Variants in SRSF4 observed in about 807,000 individuals in gnomAD.
SRSF4 encodes the protein serine/arginine-rich splicing factor 4.
SRSF4 carries 12 observed loss-of-function variants against 48.8 expected under a neutral mutation model. The observed-to-expected ratio is 0.25, with a 90% CI of 0.16 to 0.40. SRSF4 has a LOEUF of 0.40. SRSF4 is among the 10% of genes least tolerant of loss of function. SRSF4 has a pLI of 1.00. For missense variants in SRSF4, 466 were observed against 667.1 expected (o/e 0.70, Z 3.32); for synonymous variants, 248 against 232.5 (o/e 1.07, Z -0.61).
At chr1:29,178,776 TACTC>T (rs1386047844) in intron 1 of SRSF4, among the ~76,000 whole-genome samples, 1 of 152,258 alleles carries the variant, frequency 6.6e-6, no homozygotes, top group Non-Finnish European at 1.5e-5. Flanking sequence ...TTTTCTTTTG[TACTC>T]ACTCCTTCCT....
intron 1 of SRSF4, among the ~76,000 whole-genome samples, chr1:29,174,675 GTTTTTTTTTT>G: frequency 7.7e-6 from 1 of 130,696 alleles, no homozygotes; most frequent in East Asian, 2.3e-4. Context: ...CAGGAGATAG[GTTTTTTTTTT>G]TTTTTTTTTG....
chr1:29,169,499 C>T (rs937560478), intron 1 of SRSF4: 1 of 152,148 alleles, frequency 6.6e-6, no homozygotes, highest in Non-Finnish European at 1.5e-5. Flanking sequence ...TGTGCTAATA[C>T]CAGTAAGTTG....
intron 4 of SRSF4, among the ~76,000 whole-genome samples, chr1:29,153,600 A>ATT (rs113402257): frequency 1.1e-4 from 14 of 133,046 alleles, no homozygotes; most frequent in South Asian, 2.4e-4. Context: ...TCTGATTTCC[A>ATT]TTTTTTTTTT....
intron 1 of SRSF4, among the ~76,000 whole-genome samples, chr1:29,175,711 A>AAG (rs762536014): frequency 0.043 from 6,304 of 146,508 alleles, 270 homozygotes; most frequent in Non-Finnish European, 0.068. Flanking sequence ...AAAAAAAAAA[A>AAG]AAAAAAAAAA....
At chr1:29,155,942 T>C (rs1427228525) in intron 3 of SRSF4, among the ~76,000 whole-genome samples, 2 of 152,154 alleles carry the variant, frequency 1.3e-5, no homozygotes, top group African/African-American at 4.8e-5. Flanking sequence ...TAAAGCATTA[T>C]ATAAATAAGA....
At chr1:29,168,547 C>T (rs1672700923) in intron 1 of SRSF4, 3 of 152,174 alleles carry the variant, frequency 2.0e-5, no homozygotes, top group Non-Finnish European at 4.4e-5. Context: ...TATGTGACAA[C>T]CAGGTTACTT....
intron 1 of SRSF4, among the ~76,000 whole-genome samples, chr1:29,175,840 T>C (rs952684499): frequency 6.6e-6 from 1 of 152,154 alleles, no homozygotes; most frequent in Non-Finnish European, 1.5e-5. Context: ...AACCTCTTCT[T>C]AGATAATCCT....
intron 5 of SRSF4, 143 bp downstream of exon 5, chr1:29,149,960 T>TG: frequency 1.6e-6 from 1 of 640,972 alleles, no homozygotes; most frequent in Non-Finnish European, 2.7e-6. Flanking sequence ...CCCAGTGAGG[T>TG]GAGGCTGCAG....
intron 5 of SRSF4, among the ~76,000 whole-genome samples, chr1:29,149,896 G>A (rs960479539): frequency 3.3e-5 from 5 of 151,842 alleles, no homozygotes; most frequent in Non-Finnish European, 7.4e-5. Context: ...GGGTGTGGTA[G>A]TATGTGCCTG....
At chr1:29,150,614 T>G (rs1672394227) in intron 4 of SRSF4, among the ~76,000 whole-genome samples, 1 of 152,128 alleles carries the variant, frequency 6.6e-6, no homozygotes, top group African/African-American at 2.4e-5. Flanking sequence ...AAACTCTCTC[T>G]TGGGTTCTAG....
chr1:29,180,511 T>C (rs1672938929), intron 1 of SRSF4, among the ~76,000 whole-genome samples: 1 of 152,234 alleles, frequency 6.6e-6, no homozygotes, highest in African/African-American at 2.4e-5. Context: ...ACGTGAAACA[T>C]ACTTAGGTAA....
intron 1 of SRSF4, chr1:29,170,793 C>T (rs771920291): frequency 1.3e-5 from 2 of 152,096 alleles, no homozygotes; most frequent in Non-Finnish European, 2.9e-5. Context: ...TGAATTCAAA[C>T]CTCCCTCTTT....
At chr1:29,178,426 C>G (rs998217596) in intron 1 of SRSF4, among the ~76,000 whole-genome samples, 3 of 150,668 alleles carry the variant, frequency 2.0e-5, no homozygotes, top group Non-Finnish European at 4.4e-5. Context: ...TCACTGCAAG[C>G]TCCACCTCCC....
chr1:29,154,942 G>T, intron 3 of SRSF4, 32 bp from the exon 4 acceptor site: 1 of 1,578,650 alleles, frequency 6.3e-7, no homozygotes, highest in Non-Finnish European at 8.6e-7. Context: ...ACTACATTAG[G>T]ATATGTTTTG....
chr1:29,149,180 G>A lies in SRSF4; in HGVS notation c.715C>T (p.Arg239Trp), dbSNP rs570905725. ...CTTTTCTCTTTCTTGCTCCGGCTCC[G>A]ACTCTGGCTCCGGCTCCGGCTCTTG... The part of the protein sequence containing the change: ...RSKSRSRSQS[R>W]SRSKKEKSRS... Residue 239 changes from arginine to tryptophan, a missense_variant, in exon 6 of 6, where the codon CGG (arginine) becomes TGG (tryptophan). By Grantham distance (101) the Arg-to-Trp change is moderately radical. Transcript: ENST00000373795. 37 of 1,611,138 alleles carry A rather than the reference G, an allele frequency of 2.3e-5. No homozygotes were observed. The highest frequency in any genetic ancestry group is 2.7e-5 in the African/African-American group (2 of 74,878).
chr1:29,178,777 A>G (rs2151829116), intron 1 of SRSF4, among the ~76,000 whole-genome samples: 1 of 152,104 alleles, frequency 6.6e-6, no homozygotes, highest in Admixed American at 6.5e-5. Context: ...TTTCTTTTGT[A>G]CTCACTCCTT....
chr1:29,153,807 T>C (rs1672454099), intron 4 of SRSF4, among the ~76,000 whole-genome samples: 1 of 151,334 alleles, frequency 6.6e-6, no homozygotes, highest in African/African-American at 2.4e-5. Context: ...TTTCTCCATA[T>C]TGAGGCTGGT....
intron 3 of SRSF4, among the ~76,000 whole-genome samples, chr1:29,159,139 C>A (rs1365195543): frequency 6.7e-6 from 1 of 149,498 alleles, no homozygotes; most frequent in South Asian, 2.1e-4. Context: ...CAAACCAAAC[C>A]AAACCAAACC....
At chr1:29,154,169 CA>C (rs1203147558) in intron 4 of SRSF4, among the ~76,000 whole-genome samples, 1 of 152,128 alleles carries the variant, frequency 6.6e-6, no homozygotes, top group Non-Finnish European at 1.5e-5. Context: ...AATTTTCAAG[CA>C]ATTTTTCTGC....
Sources: gnomAD v4.1 joint callset for allele counts (sites outside exome capture counted in the v4.1 genomes callset) on GRCh38, gnomAD v4.1.1 for gene constraint, MANE v1.5 for transcripts, NCBI Gene and HGNC (gene_info 2026-07-23, HGNC 2026-07-21) for gene names.